The following GFAP variants were observed in gnomAD, a reference collection of about 807,000 sequenced individuals.
GFAP encodes glial fibrillary acidic protein.
A neutral mutation model predicts 49.3 loss-of-function variants in GFAP; 38 were observed. The observed-to-expected ratio is 0.77, with a 90% CI of 0.60 to 1.01. GFAP has a LOEUF of 1.01. Ranked by LOEUF, GFAP falls within the 50% of genes least tolerant of loss-of-function variation. The pLI is 0.00. For synonymous variants in GFAP, 222 were observed against 236.4 expected, an observed-to-expected ratio of 0.94 and a Z score of 0.56; for missense variants, 463 against 579.1, an observed-to-expected ratio of 0.80 and a Z score of 2.06.
rs373688797 is a variant in GFAP at position 44,915,398 on chromosome 17, C to G, written c.89G>C (p.Arg30Pro). Reference sequence around the variant, plus strand: ...GGAGAGGCGGGTGCCAGGACCCAGACGGCGGCCAGGAGCCAGGCCCCCCAC... The same window carrying G: ...GGAGAGGCGGGTGCCAGGACCCAGAGGGCGGCCAGGAGCCAGGCCCCCCAC... ...MMVGGLAPGR[R>P]LGPGTRLSLA... The change falls in exon 1 of 9, where the codon CGT (arginine) becomes CCT (proline). Residue 30 changes from arginine to proline, a missense_variant. Arg to Pro is a moderately radical substitution (Grantham distance 103). Coordinates refer to ENST00000588735, the MANE Select transcript of GFAP (RefSeq NM_002055.5). This position sits in a 1 kb window ranked among gnomAD's most constrained non-coding sequence, Gnocchi z 4.1. 4 of 1,606,344 alleles carry G rather than the reference C, an allele frequency of 2.5e-6. No homozygotes were observed. The highest frequency in any genetic ancestry group is 3.4e-6 in the Non-Finnish European group (4 of 1,175,658).
chr17:44,913,470 C>A, intron 3 of GFAP, 40 bp from the exon 4 acceptor site: 1 of 1,604,760 alleles, frequency 6.2e-7, no homozygotes, highest in Non-Finnish European at 8.5e-7. Flanking sequence ...GCTCAGGGTA[C>A]AGGCCACAGC....
rs140252141 is a variant in GFAP at position 44,915,445 on chromosome 17, G to C, written c.42C>G (p.Tyr14Ter). The C allele has an allele frequency of 6.2e-7, 1 of 1,608,338 alleles. No individual in the cohort carries two copies. Among genetic ancestry groups the C allele is most frequent in the Non-Finnish European group, 8.5e-7 (1 of 1,177,886 alleles). ...CCACCATCATCTCCCCTGAGGAGAC[G>C]TAGGAGCGGCGAGCAGCGGAGGTGA... ...RRITSAARRS[Y>*]VSSGEMMVGG... The change falls in exon 1 of 9, where the codon TAC becomes TAG. Residue 14 changes from tyrosine (Y) to a stop codon, truncating the protein, a stop_gained. Transcript: ENST00000588735. LOFTEE classifies it high-confidence loss of function. This position sits in a 1 kb window ranked among gnomAD's most constrained non-coding sequence, Gnocchi z 4.1.
rs750214050 is a variant in GFAP at position 44,904,862 on chromosome 17, T to G, written c.*2485A>C. ...GCTGGATGACCGGGGCATCTACTAT[T>G]GCTGGAGGCAGGGTGTGCTAGTTGC... On this transcript the variant is annotated 3_prime_UTR_variant, in exon 9 of 9. Transcript: ENST00000588735. The G allele has an allele frequency of 9.0e-6, 14 of 1,550,668 alleles. No homozygotes were observed. The highest frequency in any genetic ancestry group is 1.4e-5 in the African/African-American group (1 of 73,160).
Position 44,907,247 on chromosome 17 carries a change from C to T in GFAP, c.*100G>A. ...GGGGAGCAGCTGGGGTGGTGGGGAG[C>T]TCAGGTCTGGGGAAATGTGCCAGCA... On this transcript the variant is annotated 3_prime_UTR_variant, in exon 9 of 9. Coordinates refer to ENST00000588735, the MANE Select transcript of GFAP (RefSeq NM_002055.5). 1.8e-6 allele frequency: 2 copies of T among 1,131,226 alleles called. No homozygotes were observed. The highest frequency in any genetic ancestry group is 2.7e-6 in the Non-Finnish European group (2 of 743,842). The allele number at this position is 1,131,226 out of a possible 1,614,324, so 70.1% of individuals were successfully genotyped here. A position where few individuals can be genotyped will look rare whatever the true frequency, so the allele number is the denominator to read the frequency against.
rs777160665 is a variant in GFAP at position 44,910,671 on chromosome 17, A to C, written c.1128-13T>G. On this transcript the variant is annotated splice_polypyrimidine_tract_variant and intron_variant, in intron 6 of 8. Coordinates refer to ENST00000588735, the MANE Select transcript of GFAP (RefSeq NM_002055.5). Reference sequence around the variant, plus strand: ...GGGAATGGTGATCCTGAAAGAAAGCAGAGGGAGAGGGCTGCCCGGGCTGCC... The same window carrying C: ...GGGAATGGTGATCCTGAAAGAAAGCCGAGGGAGAGGGCTGCCCGGGCTGCC... The C allele has an allele frequency of 1.9e-6, 3 of 1,584,712 alleles. No individual in the cohort carries two copies. Among genetic ancestry groups the C allele is most frequent in the South Asian group, 2.3e-5 (2 of 86,560 alleles).
Position 44,903,439 on chromosome 17 carries a change from T to C in GFAP, c.*3908A>G. The C allele has an allele frequency of 1.6e-6, 2 of 1,251,650 alleles. No individual in the cohort carries two copies. Among genetic ancestry groups the C allele is most frequent in the Non-Finnish European group, 2.0e-6 (2 of 999,700 alleles). The allele number at this position is 1,251,650 out of a possible 1,614,324, so 77.5% of individuals were successfully genotyped here. A position where few individuals can be genotyped will look rare whatever the true frequency, so the allele number is the denominator to read the frequency against. On this transcript the variant is annotated 3_prime_UTR_variant, in exon 9 of 9. Coordinates refer to ENST00000588735, the MANE Select transcript of GFAP (RefSeq NM_002055.5). Reference sequence around the variant, plus strand: ...ATCCCCCAGGTTGATGAAAGACTTTTCCACCAGGCTGGCAGGGCAGGGCCT... The same window carrying C: ...ATCCCCCAGGTTGATGAAAGACTTTCCCACCAGGCTGGCAGGGCAGGGCCT...
At chr17:44,914,507 A>T (rs541846999) in intron 1 of GFAP, 2 of 225,252 alleles carry the variant, frequency 8.9e-6, no homozygotes, top group Non-Finnish European at 1.8e-5. Flanking sequence ...TATTATGACC[A>T]CCGCTTCACA....
chr17:44,903,682 G>A lies in GFAP; in HGVS notation c.*3665C>T. Reference sequence around the variant, plus strand: ...GGAATAAATTGCCTTGCACTTGGCGGCTTCCTCTGCAGATTGTTGCTGCTT... The same window carrying A: ...GGAATAAATTGCCTTGCACTTGGCGACTTCCTCTGCAGATTGTTGCTGCTT... On this transcript the variant is annotated 3_prime_UTR_variant, in exon 9 of 9. Coordinates refer to ENST00000588735, the MANE Select transcript of GFAP (RefSeq NM_002055.5). 1 of 1,435,718 alleles carries A rather than the reference G, an allele frequency of 7.0e-7. No individual in the cohort carries two copies. Among genetic ancestry groups the A allele is most frequent in the Non-Finnish European group, 9.1e-7 (1 of 1,100,784 alleles). 88.9% of individuals were successfully genotyped at this position (1,435,718 alleles called of 1,614,324 possible).
intron 6 of GFAP, 115 bp from the exon 7 acceptor site, chr17:44,910,773 T>A: frequency 6.9e-7 from 1 of 1,446,128 alleles, no homozygotes; most frequent in Non-Finnish European, 9.4e-7. Flanking sequence ...CAGGAAAGTC[T>A]AACTCCATCT....
At chr17:44,911,646 C>T (rs1412318079) in intron 5 of GFAP, 26 bp downstream of exon 5, 3 of 1,609,136 alleles carry the variant, frequency 1.9e-6, no homozygotes, top group Middle Eastern at 3.6e-4. Flanking sequence ...CTCCGCCCGT[C>T]CCCGTCCTGC....
chr17:44,910,996 G>A (rs1349711417), intron 6 of GFAP: 1 of 610,220 alleles, frequency 1.6e-6, no homozygotes, highest in Non-Finnish European at 2.9e-6. Context: ...TCTTAGTTTG[G>A]AGGGTGACCC....
At chr17:44,913,234 CT>C in intron 4 of GFAP, 34 bp downstream of exon 4, 1 of 1,606,816 alleles carries the variant, frequency 6.2e-7, no homozygotes. Flanking sequence ...GAAGGGCTGC[CT>C]GGAGGAGGCA....
chr17:44,910,346 G>A, intron 7 of GFAP: 2 of 1,611,872 alleles, frequency 1.2e-6, no homozygotes, highest in African/African-American at 1.3e-5. Context: ...CAGGGCAGAT[G>A]TCAAGCTCTC....
chr17:44,911,865 G>A (rs1023554299), intron 4 of GFAP, 68 bp from the exon 5 acceptor site: 181 of 1,547,928 alleles, frequency 1.2e-4, no homozygotes, highest in Admixed American at 3.6e-4. Context: ...GGAAATCAGG[G>A]AGGTGAGCAG....
At chr17:44,907,593 G>C in intron 8 of GFAP, 1 of 638,628 alleles carries the variant, frequency 1.6e-6, no homozygotes, top group East Asian at 2.8e-5. Flanking sequence ...TGCCTGGCGA[G>C]TGGTAAGCTG....
Position 44,906,362 on chromosome 17 carries a change from T to G in GFAP, c.*985A>C, listed in dbSNP as rs2051652334. The G allele has an allele frequency of 6.6e-6, 1 of 152,346 alleles. No individual in the cohort carries two copies. The highest frequency in any genetic ancestry group is 1.5e-5 in the Non-Finnish European group (1 of 68,222). 9.4% of individuals were successfully genotyped at this position (152,346 alleles called of 1,614,324 possible). ...TATGCCTAGCGCCATCCCAATTGCCTCCTCCTCCATCTCTACCAGCGTCCC... is the reference window on the plus strand; with the variant it reads ...TATGCCTAGCGCCATCCCAATTGCCGCCTCCTCCATCTCTACCAGCGTCCC... On this transcript the variant is annotated 3_prime_UTR_variant, in exon 9 of 9. Coordinates refer to ENST00000588735, the MANE Select transcript of GFAP (RefSeq NM_002055.5).
intron 7 of GFAP, chr17:44,909,837 C>G: frequency 8.1e-7 from 1 of 1,231,668 alleles, no homozygotes. Context: ...ACCCAAGGGG[C>G]CCTCCCAGTG....
rs2051632696 is a variant in GFAP, at chr17:44,904,995, C to T, written c.*2352G>A. 1.3e-6 allele frequency: 2 copies of T among 1,550,858 alleles called. No homozygotes were observed. The highest frequency in any genetic ancestry group is 2.4e-5 in the East Asian group (1 of 40,930). On this transcript the variant is annotated 3_prime_UTR_variant, in exon 9 of 9. Coordinates refer to ENST00000588735, the MANE Select transcript of GFAP (RefSeq NM_002055.5). ...ACCCTGATAGGCTACCTGCTCATCA[C>T]AGCAGTCTTTGTCACCATTCACTTC...
rs902032077 is a variant in GFAP at position 44,910,373 on chromosome 17, G to A, written c.1171+242C>T. The A allele has an allele frequency of 5.7e-5, 91 of 1,608,938 alleles. 1 individual carries two copies. The African/African-American group carries it at 8.4e-4, about 15-fold the overall frequency. The stretch of plus-strand genomic sequence containing the variant: ...CAAGCTCTCACCCAGTTCTGCTGTC[G>A]AATGGGGTGCAGGGAGGGGAAGAGG... On this transcript the variant is annotated intron_variant, in intron 7 of 8. Coordinates refer to ENST00000588735, the MANE Select transcript of GFAP (RefSeq NM_002055.5).
Sources: gnomAD v4.1 joint callset for allele counts on GRCh38, gnomAD v4.1.1 for gene constraint, Gnocchi (gnomAD v3.1) non-coding constraint, MANE v1.5 for transcripts, NCBI Gene and HGNC (gene_info 2026-07-23, HGNC 2026-07-21) for gene names.